The following ARHGAP8 variants were observed in gnomAD, a reference collection of about 807,000 sequenced individuals.
ARHGAP8 encodes rho GTPase-activating protein 8.
In ARHGAP8, 62 loss-of-function variants were observed where a neutral mutation model predicts 46.1. The observed-to-expected ratio is 1.34, with a 90% CI of 1.10 to 1.66. ARHGAP8 has a LOEUF of 1.66. Among genes scored for constraint, ARHGAP8 ranks in the 40% most tolerant of loss-of-function variants. ARHGAP8 has a pLI of 0.00. For synonymous variants in ARHGAP8, 375 were observed against 243.1 expected, an observed-to-expected ratio of 1.54 and a Z score of -5.05; for missense variants, 923 against 568.4, an observed-to-expected ratio of 1.62 and a Z score of -6.34.
At chr22:44,808,200 G>A (rs1929067311) in intron 3 of ARHGAP8, 107 bp from the exon 4 acceptor site, 3 of 1,517,616 alleles carry the variant, frequency 2.0e-6, no homozygotes, top group Non-Finnish European at 2.7e-6. Context: ...ATGTGGCCCG[G>A]TGCTGGCACC....
chr22:44,860,958 G>T (rs3830115), intron 11 of ARHGAP8, among the ~76,000 whole-genome samples: 1 of 151,640 alleles, frequency 6.6e-6, no homozygotes, highest in Admixed American at 6.6e-5. Flanking sequence ...TTTTCTCCCT[G>T]TTGCTTGACA....
intron 1 of ARHGAP8, among the ~76,000 whole-genome samples, chr22:44,759,577 G>A (rs1433026059): frequency 6.6e-6 from 1 of 152,206 alleles, no homozygotes. Flanking sequence ...GGTCTGCAGA[G>A]GGGCGGCAAG....
At chr22:44,820,909 C>T (rs1024055265) in intron 5 of ARHGAP8, among the ~76,000 whole-genome samples, 3 of 152,174 alleles carry the variant, frequency 2.0e-5, no homozygotes, top group Non-Finnish European at 2.9e-5. Context: ...GAGCACTGGG[C>T]GGCCGCTGTC....
At position 44,837,891 on chromosome 22, in the gene ARHGAP8, T is replaced by C. The variant is rs141806849; in HGVS notation, c.597-7378T>C. On this transcript the variant is annotated intron_variant, in intron 7 of 11. Transcript: ENST00000356099. ...CAGCTCTGGGCCAGTCCCTCCTCTT[T>C]GGGGACCTCAGTTTTCTCATCTGCC... Among the ~76,000 whole-genome samples the C allele has an allele frequency of 6.8e-3, 1,038 of 152,276 alleles. 8 individuals are homozygous for C. The highest frequency in any genetic ancestry group is 0.024 in the African/African-American group (999 of 41,566).
At chr22:44,826,957 C>T (rs926491789) in intron 7 of ARHGAP8, among the ~76,000 whole-genome samples, 1 of 152,304 alleles carries the variant, frequency 6.6e-6, no homozygotes, top group Admixed American at 6.5e-5. Context: ...AGAATCATGG[C>T]CCCCGACGAA....
At chr22:44,858,678 G>T (rs1161576232) in intron 10 of ARHGAP8, among the ~76,000 whole-genome samples, 1 of 151,304 alleles carries the variant, frequency 6.6e-6, no homozygotes, top group Admixed American at 6.6e-5. Context: ...GCTGGTTGGT[G>T]GGTTTTGACT....
intron 7 of ARHGAP8, among the ~76,000 whole-genome samples, chr22:44,830,622 C>T (rs766698000): frequency 8.6e-5 from 13 of 151,884 alleles, no homozygotes; most frequent in Non-Finnish European, 1.6e-4. Flanking sequence ...CTGCAACCTC[C>T]ACCTCCTGGG....
At chr22:44,829,795 T>TA (rs1930809630) in intron 7 of ARHGAP8, among the ~76,000 whole-genome samples, 1 of 152,008 alleles carries the variant, frequency 6.6e-6, no homozygotes, top group African/African-American at 2.4e-5. Context: ...GTTCAAAAGC[T>TA]TACAGCAGAA....
At chr22:44,860,121 C>T (rs1258404189) in intron 11 of ARHGAP8, among the ~76,000 whole-genome samples, 4 of 152,132 alleles carry the variant, frequency 2.6e-5, no homozygotes, top group South Asian at 4.1e-4. Context: ...CCTCTGCCCC[C>T]ATGTCATTTC....
At chr22:44,809,227 C>T (rs928196761) in intron 4 of ARHGAP8, 9 of 459,208 alleles carry the variant, frequency 2.0e-5, no homozygotes, top group Middle Eastern at 3.3e-4. Context: ...ACATTATGGA[C>T]GCTGAAATGT....
chr22:44,858,491 C>G (rs76232939), intron 10 of ARHGAP8, among the ~76,000 whole-genome samples: 3,722 of 141,512 alleles, frequency 0.026, 88 homozygotes, highest in Admixed American at 0.033. Flanking sequence ...CTTCAGCCTC[C>G]CATGTAGCTC....
In ARHGAP8 at chr22:44,842,717, G is replaced by A. The variant is rs182482759; in HGVS notation, c.597-2552G>A. 2.6e-5 allele frequency among the ~76,000 whole-genome samples: 4 copies of A among 152,254 alleles called. No homozygotes were observed. The East Asian group carries it at 5.8e-4, about 22-fold the overall frequency. On this transcript the variant is annotated intron_variant, in intron 7 of 11. Coordinates refer to ENST00000356099, the MANE Select transcript of ARHGAP8 (RefSeq NM_181335.3). ...GCCTGGCTTCCTTGGGGGCCACCAG[G>A]GGTGACATAGACCCTCAGAGCCAGG...
chr22:44,800,441 G>A lies in ARHGAP8; in HGVS notation c.80-1636G>A, dbSNP rs114189291. Reference sequence around the variant, plus strand: ...TTTTATCTCACTAAGCGCCTGGCCCGGAGCCTGGATTCTGAGGACAGAGAT... The same window carrying A: ...TTTTATCTCACTAAGCGCCTGGCCCAGAGCCTGGATTCTGAGGACAGAGAT... On this transcript the variant is annotated intron_variant, in intron 2 of 11. Coordinates refer to ENST00000356099, the MANE Select transcript of ARHGAP8 (RefSeq NM_181335.3). 8.2e-3 allele frequency among the ~76,000 whole-genome samples: 1,243 copies of A among 152,242 alleles called. 21 individuals carry two copies. The highest frequency in any genetic ancestry group is 0.028 in the African/African-American group (1,169 of 41,542).
rs967453999 is a variant in ARHGAP8, at chr22:44,862,273, A to C, written c.982-2A>C. 3.8e-6 allele frequency: 6 copies of C among 1,586,064 alleles called. No individual in the cohort carries two copies. In the African/African-American group the frequency reaches 5.4e-5, roughly 14 times the overall value. Reference sequence around the variant, plus strand: ...CCTTTACTTGTGTGTGGTTTCCTCCAGGTGTCCCGGGAGAGCATCTTCAAC... The same window carrying C: ...CCTTTACTTGTGTGTGGTTTCCTCCCGGTGTCCCGGGAGAGCATCTTCAAC... On this transcript the variant is annotated splice_acceptor_variant, in intron 11 of 11. Transcript: ENST00000356099. LOFTEE classifies it high-confidence loss of function.
At chr22:44,859,650 C>CTA in intron 10 of ARHGAP8, 81 bp from the exon 11 acceptor site, 1 of 1,483,430 alleles carries the variant, frequency 6.7e-7, no homozygotes, top group Non-Finnish European at 9.2e-7. Flanking sequence ...CCTTCCTACA[C>CTA]CCCTGTTCTC....
chr22:44,846,863 G>A (rs946062028), intron 8 of ARHGAP8, among the ~76,000 whole-genome samples: 6 of 152,114 alleles, frequency 3.9e-5, no homozygotes, highest in Admixed American at 2.0e-4. Context: ...CTGCCAGACC[G>A]GGGTCCCTGT....
intron 7 of ARHGAP8, among the ~76,000 whole-genome samples, chr22:44,831,676 G>A (rs1419212362): frequency 6.6e-6 from 1 of 152,048 alleles, no homozygotes; most frequent in Non-Finnish European, 1.5e-5. Flanking sequence ...TCCAGCCTGG[G>A]TGACAAGAGC....
chr22:44,862,484 G>A lies in ARHGAP8; in HGVS notation c.1191G>A (p.Gln397=), dbSNP rs546444156. The stretch of plus-strand genomic sequence containing the variant: ...AGCACGGCCTGGCACCATGGGAACA[G>A]GGGAGCAGGGCAGCCCCTTTGCAGG... ...PGEHGLAPWE[Q]GSRAAPLQEA... is the part of the protein sequence containing the mutation. Residue 397 remains glutamine (Q), a synonymous_variant, in exon 12 of 12, where the codon CAG becomes CAA. Coordinates refer to ENST00000356099, the MANE Select transcript of ARHGAP8 (RefSeq NM_181335.3). 26 of 1,612,986 alleles carry A rather than the reference G, an allele frequency of 1.6e-5. No homozygotes were observed. Among genetic ancestry groups the A allele is most frequent in the South Asian group, 1.2e-4 (11 of 91,060 alleles).
chr22:44,844,592 A>G (rs555885143), intron 7 of ARHGAP8, among the ~76,000 whole-genome samples: 1 of 152,102 alleles, frequency 6.6e-6, no homozygotes, highest in East Asian at 1.9e-4. Flanking sequence ...CCTGGAGAGT[A>G]GCTGAGATTA....
Sources: gnomAD v4.1 joint callset for allele counts (sites outside exome capture counted in the v4.1 genomes callset) on GRCh38, gnomAD v4.1.1 for gene constraint, MANE v1.5 for transcripts, NCBI Gene and HGNC (gene_info 2026-07-23, HGNC 2026-07-21) for gene names.